The following ARNT2 variants were observed in gnomAD, a reference collection of about 807,000 sequenced individuals.
The protein encoded by ARNT2 is aryl hydrocarbon receptor nuclear translocator 2, also known as ARNT protein 2.
ARNT2 carries 36 observed loss-of-function variants against 91.7 expected under a neutral mutation model. The ratio of observed to expected loss-of-function variants is 0.39; its 90% confidence interval spans 0.30 to 0.52. The LOEUF (loss-of-function observed/expected upper bound fraction) is 0.52. Ranked by LOEUF, ARNT2 falls within the 20% of genes least tolerant of loss-of-function variation. The probability of loss-of-function intolerance (pLI) is 0.72; values close to 1 mark genes in which losing one functional copy is unlikely to be tolerated. For synonymous variants in ARNT2, 365 were observed against 347.1 expected (o/e 1.05, Z -0.57); for missense variants, 775 against 939.3 (o/e 0.83, Z 2.29).
chr15:80,522,403 A>C (rs753928948), intron 8 of ARNT2, among the ~76,000 whole-genome samples: 1 of 152,236 alleles, frequency 6.6e-6, no homozygotes, highest in Non-Finnish European at 1.5e-5. Flanking sequence ...ATACATATGT[A>C]TACATATACA....
rs138620470 is a variant in ARNT2 at position 80,581,079 on chromosome 15, C to T, written c.1753-160C>T. 947 of 827,388 alleles carry T rather than the reference C, an allele frequency of 1.1e-3. 3 individuals are homozygous for T. The Middle Eastern group carries it at 0.014, about 12-fold the overall frequency. 51.3% of individuals were successfully genotyped at this position (827,388 alleles called of 1,614,324 possible). A position where few individuals can be genotyped will look rare whatever the true frequency, so the allele number is the denominator to read the frequency against. On this transcript the variant is annotated intron_variant, in intron 16 of 18. Coordinates refer to ENST00000303329, the MANE Select transcript of ARNT2 (RefSeq NM_014862.4). ...CTGCAGTTCCTGGGCCCTCACACAC[C>T]GGGCTGATCCCAGGCCTGTGCCTAG...
intron 8 of ARNT2, among the ~76,000 whole-genome samples, chr15:80,528,697 G>C (rs569446019): frequency 6.6e-6 from 1 of 152,226 alleles, no homozygotes; most frequent in East Asian, 1.9e-4. Flanking sequence ...TAAAAAACCT[G>C]TTGTCTCCCC....
intron 1 of ARNT2, among the ~76,000 whole-genome samples, chr15:80,419,631 G>T (rs1466188853): frequency 6.6e-6 from 1 of 152,198 alleles, no homozygotes; most frequent in Non-Finnish European, 1.5e-5. Context: ...TCCTGGCATT[G>T]ACATGGCATG....
chr15:80,457,609 A>G (rs1374308362), intron 2 of ARNT2, among the ~76,000 whole-genome samples: 1 of 152,248 alleles, frequency 6.6e-6, no homozygotes, highest in African/African-American at 2.4e-5. Flanking sequence ...ACACCTTTCC[A>G]TCATAGCCAG....
chr15:80,575,961 G>A (rs1196819108), intron 14 of ARNT2, among the ~76,000 whole-genome samples: 1 of 152,216 alleles, frequency 6.6e-6, no homozygotes, highest in Non-Finnish European at 1.5e-5. Flanking sequence ...CAAACTTTTA[G>A]TTTCTGTTTG....
chr15:80,525,710 T>A (rs1173552543), intron 8 of ARNT2, among the ~76,000 whole-genome samples: 1 of 152,214 alleles, frequency 6.6e-6, no homozygotes, highest in Non-Finnish European at 1.5e-5. Flanking sequence ...GAGGCAATCA[T>A]CTAGCTTAGA....
chr15:80,426,760 A>G (rs1052844366), intron 1 of ARNT2, among the ~76,000 whole-genome samples: 4 of 152,208 alleles, frequency 2.6e-5, no homozygotes, highest in Non-Finnish European at 5.9e-5. Flanking sequence ...CCCCTAACAA[A>G]ATACTATAGA....
Position 80,578,946 on chromosome 15 carries a change from G to A in ARNT2, c.1614-1465G>A, listed in dbSNP as rs898997934. ...ATACAGCCATAGGGAATCCTGGGCC[G>A]CTTGCAGAATGGTGTTGCTGGCACC... On this transcript the variant is annotated intron_variant, in intron 15 of 18. Coordinates refer to ENST00000303329, the MANE Select transcript of ARNT2 (RefSeq NM_014862.4). 2.6e-5 allele frequency among the ~76,000 whole-genome samples: 4 copies of A among 152,326 alleles called. No homozygotes were observed. In the East Asian group the frequency reaches 7.7e-4, roughly 29 times the overall value.
intron 5 of ARNT2, among the ~76,000 whole-genome samples, chr15:80,485,634 A>C (rs1343000024): frequency 1.3e-5 from 2 of 152,198 alleles, no homozygotes; most frequent in Admixed American, 1.3e-4. Context: ...ATGCCTGGTG[A>C]GATCTAATAA....
At chr15:80,586,360 C>G (rs1011972712) in intron 17 of ARNT2, among the ~76,000 whole-genome samples, 62 of 152,216 alleles carry the variant, frequency 4.1e-4, no homozygotes, top group African/African-American at 1.5e-3. Context: ...AGGGTGAGGT[C>G]TCTAAAGCAA....
intron 15 of ARNT2, 41 bp downstream of exon 15, chr15:80,577,006 C>T (rs1898688909): frequency 3.1e-6 from 5 of 1,592,060 alleles, no homozygotes; most frequent in Non-Finnish European, 2.6e-6. Context: ...GGAAGATGCT[C>T]CCTCACCAAG....
intron 17 of ARNT2, among the ~76,000 whole-genome samples, chr15:80,584,852 G>T (rs1898865135): frequency 6.6e-6 from 1 of 152,244 alleles, no homozygotes; most frequent in Admixed American, 6.5e-5. Flanking sequence ...CTTCTGGCTG[G>T]CTGGAGCAGG....
chr15:80,471,607 G>A (rs1329660391), intron 4 of ARNT2, among the ~76,000 whole-genome samples: 1 of 152,158 alleles, frequency 6.6e-6, no homozygotes, highest in Non-Finnish European at 1.5e-5. Context: ...TTAGCCGGCC[G>A]GCATTTGCTG....
At chr15:80,532,995 C>T (rs1227304094) in intron 8 of ARNT2, among the ~76,000 whole-genome samples, 2 of 152,226 alleles carry the variant, frequency 1.3e-5, no homozygotes, top group East Asian at 3.9e-4. Context: ...GAGTTTGCAA[C>T]AAGAAGAGAC....
chr15:80,445,426 GT>G (rs1896282767), intron 1 of ARNT2, among the ~76,000 whole-genome samples: 1 of 150,388 alleles, frequency 6.6e-6, no homozygotes, highest in Non-Finnish European at 1.5e-5. Context: ...GTGGGGATGT[GT>G]GTGGTGTGTG....
In ARNT2 at chr15:80,505,997, C is replaced by T. The variant is rs558997878; in HGVS notation, c.623-2159C>T. 1.2e-3 allele frequency among the ~76,000 whole-genome samples: 170 copies of T among 140,160 alleles called. 2 individuals are homozygous for T. Among genetic ancestry groups the T allele is most frequent in the African/African-American group, 4.2e-3 (157 of 37,160 alleles). The allele number at this position is 140,160 out of a possible 152,430, so 92.0% of individuals were successfully genotyped here. On this transcript the variant is annotated intron_variant, in intron 5 of 18. Coordinates refer to ENST00000303329, the MANE Select transcript of ARNT2 (RefSeq NM_014862.4). ...CAGGCCGTACTGCGGACCGCAGTGG[C>T]GCAATCTCGGCTCACTGAAAGCTCC... is the stretch of plus-strand genomic sequence containing the variant.
rs1486880107 is a variant in ARNT2, at chr15:80,505,924, G to GTTTTTTTTTTTTTTTTTTTTTTTT, written c.623-2230_623-2229insTTTTTTTTTTTTTTTTTTTTTTTT. Among the ~76,000 whole-genome samples the GTTTTTTTTTTTTTTTTTTTTTTTT allele has an allele frequency of 4.5e-4, 32 of 71,166 alleles. 2 individuals are homozygous for GTTTTTTTTTTTTTTTTTTTTTTTT. The highest frequency in any genetic ancestry group is 2.0e-3 in the African/African-American group (31 of 15,218). The allele number at this position is 71,166 out of a possible 152,430, so 46.7% of individuals were successfully genotyped here. The stretch of plus-strand genomic sequence containing the variant: ...AAAGAAAAAATGATTCCCAACATTT[G>GTTTTTTTTTTTTTTTTTTTTTTTT]TTGTTTTTTTTTTTTTTTTTTTTGA... On this transcript the variant is annotated intron_variant, in intron 5 of 18. Transcript: ENST00000303329.
rs1304593574 is a variant in ARNT2 at position 80,417,803 on chromosome 15, G to C, written c.31+13257G>C. On this transcript the variant is annotated intron_variant, in intron 1 of 18. Transcript: ENST00000303329. ...ATTTTCCCAGCTGTGAAATGAGGTG[G>C]CTCCTCCGTTGGGTACTGGCCATGC... 1.3e-5 allele frequency among the ~76,000 whole-genome samples: 2 copies of C among 152,150 alleles called. 1 individual carries two copies. The highest frequency in any genetic ancestry group is 4.8e-5 in the African/African-American group (2 of 41,422).
intron 8 of ARNT2, among the ~76,000 whole-genome samples, chr15:80,525,090 A>G (rs1897619003): frequency 6.6e-6 from 1 of 152,048 alleles, no homozygotes; most frequent in South Asian, 2.1e-4. Flanking sequence ...TATTTTCCAA[A>G]TTTTTGCATG....
Sources: allele counts gnomAD v4.1 joint callset (sites outside exome capture counted in the v4.1 genomes callset), GRCh38; gene constraint gnomAD v4.1.1; transcripts MANE v1.5; gene names NCBI Gene and HGNC (gene_info 2026-07-23, HGNC 2026-07-21).